EDIL3: variants seen among roughly 807,000 people sequenced by gnomAD.
EDIL3 encodes EGF like and discoidin domains 3.
Under a neutral mutation model 67.4 loss-of-function variants are expected in EDIL3, and 37 were observed. The ratio of observed to expected loss-of-function variants is 0.55; its 90% confidence interval spans 0.42 to 0.72. The LOEUF is 0.72. Among genes scored for constraint, EDIL3 ranks in the 30% least tolerant of loss-of-function variants. EDIL3 has a pLI of 0.00. For synonymous variants in EDIL3, 195 were observed against 196.3 expected (o/e 0.99, Z 0.05); for missense variants, 527 against 586.3 (o/e 0.90, Z 1.04).
chr5:84,026,946 T>A (rs541116751), intron 9 of EDIL3, among the ~76,000 whole-genome samples: 1 of 151,958 alleles, frequency 6.6e-6, no homozygotes, highest in East Asian at 1.9e-4. Context: ...ATACAAAAAA[T>A]TAGCCAGGTA....
At chr5:84,249,041 G>A (rs775742772) in intron 2 of EDIL3, among the ~76,000 whole-genome samples, 2 of 152,078 alleles carry the variant, frequency 1.3e-5, no homozygotes, top group African/African-American at 2.4e-5. Flanking sequence ...AAACTCTAGA[G>A]TATCTGCCAC....
chr5:84,029,563 A>G lies in EDIL3; in HGVS notation c.1137+30737T>C, dbSNP rs545515380. Among the ~76,000 whole-genome samples the G allele has an allele frequency of 1.3e-4, 20 of 152,336 alleles. No homozygotes were observed. The East Asian group carries it at 3.7e-3, about 28-fold the overall frequency. ...GAAAAATAATAGAAATAAAAGCATA[A>G]AAATGAAAATTCCCTCAATGCTTTT... On this transcript the variant is annotated intron_variant, in intron 9 of 10. Coordinates refer to ENST00000296591, the MANE Select transcript of EDIL3 (RefSeq NM_005711.5).
At chr5:84,115,208 CT>C (rs1254773813) in intron 5 of EDIL3, among the ~76,000 whole-genome samples, 1 of 152,058 alleles carries the variant, frequency 6.6e-6, no homozygotes, top group African/African-American at 2.4e-5. Context: ...TAAGAATCAG[CT>C]CTTGGAGGTA....
intron 6 of EDIL3, among the ~76,000 whole-genome samples, chr5:84,086,307 G>A (rs2112245): frequency 0.24 from 36,112 of 152,108 alleles, 4,499 homozygotes; most frequent in Middle Eastern, 0.31. Context: ...GCTCATGAGG[G>A]AATCTCCTGA....
chr5:84,214,938 C>T (rs892173249), intron 3 of EDIL3, among the ~76,000 whole-genome samples: 3 of 152,016 alleles, frequency 2.0e-5, no homozygotes, highest in Admixed American at 1.3e-4. Flanking sequence ...AGGGTGGTCT[C>T]GAACTTCTTG....
At chr5:84,075,216 G>C (rs1456690048) in intron 6 of EDIL3, among the ~76,000 whole-genome samples, 1 of 151,622 alleles carries the variant, frequency 6.6e-6, no homozygotes, top group African/African-American at 2.4e-5. Flanking sequence ...GGGGGAGTGG[G>C]GAGGGATAGC....
chr5:84,222,136 G>T (rs924668677), intron 3 of EDIL3, among the ~76,000 whole-genome samples: 5 of 151,802 alleles, frequency 3.3e-5, no homozygotes, highest in African/African-American at 9.7e-5. Context: ...AAACAGAAAT[G>T]ATGTTTTTGT....
intron 1 of EDIL3, among the ~76,000 whole-genome samples, chr5:84,315,201 T>C (rs1746486311): frequency 6.6e-6 from 1 of 152,208 alleles, no homozygotes; most frequent in South Asian, 2.1e-4. Context: ...CTCTGCACTT[T>C]GCTGCTTAGC....
chr5:84,357,345 C>A (rs1747507581), intron 1 of EDIL3, among the ~76,000 whole-genome samples: 1 of 151,984 alleles, frequency 6.6e-6, no homozygotes, highest in Admixed American at 6.6e-5. Flanking sequence ...TTTTTAAGTA[C>A]CTCATTAAAA....
chr5:84,383,518 A>C (rs1293523952), intron 1 of EDIL3, among the ~76,000 whole-genome samples: 1 of 152,164 alleles, frequency 6.6e-6, no homozygotes, highest in African/African-American at 2.4e-5. Flanking sequence ...CACAGAAGGC[A>C]TCACCCTACA....
At chr5:84,351,352 A>C (rs1372845248) in intron 1 of EDIL3, among the ~76,000 whole-genome samples, 1 of 152,140 alleles carries the variant, frequency 6.6e-6, no homozygotes, top group Non-Finnish European at 1.5e-5. Flanking sequence ...AAAAACACTA[A>C]GTAATGGCCC....
chr5:84,149,224 A>C (rs1233603377), intron 4 of EDIL3, among the ~76,000 whole-genome samples: 1 of 152,222 alleles, frequency 6.6e-6, no homozygotes, highest in African/African-American at 2.4e-5. Flanking sequence ...AGAGATCTGC[A>C]GTCCTGAACA....
chr5:83,993,709 C>G (rs1016252757), intron 9 of EDIL3, among the ~76,000 whole-genome samples: 3 of 152,086 alleles, frequency 2.0e-5, no homozygotes, highest in African/African-American at 7.2e-5. Flanking sequence ...TTAGTTATGG[C>G]CTGTTTTTGT....
chr5:84,261,723 C>A (rs568260286), intron 1 of EDIL3, among the ~76,000 whole-genome samples: 1 of 152,180 alleles, frequency 6.6e-6, no homozygotes, highest in Admixed American at 6.5e-5. Context: ...TCCACAGAAT[C>A]CAAAAATAAC....
chr5:83,952,906 C>T (rs964479791), intron 10 of EDIL3, among the ~76,000 whole-genome samples: 1 of 151,778 alleles, frequency 6.6e-6, no homozygotes, highest in Non-Finnish European at 1.5e-5. Context: ...TATGTATGAA[C>T]ACAGAAGTGA....
chr5:84,230,760 G>A (rs956484639), intron 2 of EDIL3, among the ~76,000 whole-genome samples: 10 of 40,868 alleles, frequency 2.4e-4, no homozygotes, highest in Non-Finnish European at 4.9e-4. Context: ...CTCCCACTAC[G>A]TGATGTGTGT....
intron 3 of EDIL3, among the ~76,000 whole-genome samples, chr5:84,192,757 G>T (rs569555107): frequency 1.1e-4 from 16 of 152,084 alleles, no homozygotes; most frequent in Admixed American, 5.2e-4. Context: ...GTCAGTAAAC[G>T]AGAGGACTGA....
intron 1 of EDIL3, among the ~76,000 whole-genome samples, chr5:84,332,503 C>T (rs991226679): frequency 3.3e-5 from 5 of 152,194 alleles, no homozygotes; most frequent in African/African-American, 1.2e-4. Context: ...TGCAAGATTT[C>T]ATGAACTCAA....
At chr5:84,300,038 TG>T (rs1372324696) in intron 1 of EDIL3, among the ~76,000 whole-genome samples, 65 of 152,368 alleles carry the variant, frequency 4.3e-4, no homozygotes, top group African/African-American at 1.3e-3. Context: ...ATGAACTGAC[TG>T]GCTAATAACA....
Sources: gnomAD v4.1 joint callset for allele counts (sites outside exome capture counted in the v4.1 genomes callset) on GRCh38, gnomAD v4.1.1 for gene constraint, MANE v1.5 for transcripts, NCBI Gene and HGNC (gene_info 2026-07-23, HGNC 2026-07-21) for gene names.